SAMSN1: variants seen among roughly 807,000 people sequenced by gnomAD.
SAMSN1 encodes SAM domain, SH3 domain and nuclear localization signals 1.
In SAMSN1, 31 loss-of-function variants were observed where a neutral mutation model predicts 42.0. That is an observed-to-expected ratio of 0.74 (90% CI 0.55 to 1.00). The LOEUF is 1.00. Among genes scored for constraint, SAMSN1 ranks in the 50% least tolerant of loss-of-function variants. SAMSN1 has a pLI of 0.00. For synonymous variants in SAMSN1, 178 were observed against 151.9 expected (o/e 1.17, Z -1.26); for missense variants, 464 against 439.4 (o/e 1.06, Z -0.50).
At chr21:14,507,513 A>G (rs1987468446) in intron 5 of SAMSN1, among the ~76,000 whole-genome samples, 1 of 152,236 alleles carries the variant, frequency 6.6e-6, no homozygotes, top group Non-Finnish European at 1.5e-5. Flanking sequence ...GACCTCCACA[A>G]GGAAAAGTAC....
intron 7 of SAMSN1, among the ~76,000 whole-genome samples, chr21:14,494,482 T>A (rs151298346): frequency 6.6e-6 from 1 of 152,248 alleles, no homozygotes; most frequent in East Asian, 1.9e-4. Context: ...ACACATGTTC[T>A]CACTCACAAG....
chr21:14,647,130 A>G (rs1469660192), intron 1 of SAMSN1, among the ~76,000 whole-genome samples: 4 of 152,192 alleles, frequency 2.6e-5, no homozygotes, highest in African/African-American at 7.2e-5. Context: ...GACTGGCTGC[A>G]TGAATGAAAA....
rs1407246466 is a variant in SAMSN1, at chr21:14,577,234, GTGTGTATATATATATATATATATATA to G, written c.261+4876_261+4901del. Among the ~76,000 whole-genome samples, 142 of 21,326 alleles carry G rather than the reference GTGTGTATATATATATATATATATATA, an allele frequency of 6.7e-3. 8 individuals carry two copies. Among genetic ancestry groups the G allele is most frequent in the African/African-American group, 0.01 (56 of 5,394 alleles). The allele number at this position is 21,326 out of a possible 152,430, so 14.0% of individuals were successfully genotyped here. A position where few individuals can be genotyped will look rare whatever the true frequency, so the allele number is the denominator to read the frequency against. On this transcript the variant is annotated intron_variant, in intron 2 of 8. Coordinates refer to the SAMSN1 transcript ENST00000285670. ...CCATGGTGGGCTAATTTATATATAT[GTGTGTATATATATATATATATATATA>G]TATATATATATATATATATATATAT...
At chr21:14,615,536 T>C (rs1358737745) in intron 3 of SAMSN1, among the ~76,000 whole-genome samples, 2 of 152,278 alleles carry the variant, frequency 1.3e-5, no homozygotes, top group African/African-American at 4.8e-5. Flanking sequence ...CATTACCTTA[T>C]GCAACATGTG....
At chr21:14,562,963 C>A (rs1207352032) in intron 2 of SAMSN1, among the ~76,000 whole-genome samples, 1 of 152,150 alleles carries the variant, frequency 6.6e-6, no homozygotes, top group African/African-American at 2.4e-5. Flanking sequence ...TCTATGTACT[C>A]TTTAGCTGTT....
intron 5 of SAMSN1, among the ~76,000 whole-genome samples, chr21:14,502,387 C>T (rs1167164162): frequency 6.6e-6 from 1 of 152,184 alleles, no homozygotes; most frequent in Admixed American, 6.5e-5. Context: ...TCCTATTATC[C>T]TTGAAACTTG....
chr21:14,611,544 G>A (rs532601902), intron 4 of SAMSN1, among the ~76,000 whole-genome samples: 1 of 152,308 alleles, frequency 6.6e-6, no homozygotes, highest in African/African-American at 2.4e-5. Context: ...ACTGTGTTAG[G>A]ATAGAAATAT....
chr21:14,579,679 A>T (rs536327719), intron 2 of SAMSN1, among the ~76,000 whole-genome samples: 7 of 110,858 alleles, frequency 6.3e-5, no homozygotes, highest in Admixed American at 2.3e-4. Flanking sequence ...GCAGGGTCTC[A>T]CTTTGTTTCC....
intron 2 of SAMSN1, among the ~76,000 whole-genome samples, chr21:14,570,651 G>A (rs1221699405): frequency 1.3e-5 from 2 of 152,184 alleles, no homozygotes; most frequent in African/African-American, 4.8e-5. Context: ...ATATGTTGGA[G>A]ACATAATCCT....
chr21:14,601,973 G>A, intron 6 of SAMSN1: 1 of 635,240 alleles, frequency 1.6e-6, no homozygotes, highest in Non-Finnish European at 2.9e-6. Flanking sequence ...ACAGAGCTGA[G>A]TAACAAGACG....
At chr21:14,624,050 C>T (rs1372295603) in intron 2 of SAMSN1, among the ~76,000 whole-genome samples, 1 of 152,044 alleles carries the variant, frequency 6.6e-6, no homozygotes, top group Non-Finnish European at 1.5e-5. Flanking sequence ...GAAATGAAGG[C>T]AAAAAGAAAG....
At chr21:14,643,146 G>C (rs896405330) in intron 1 of SAMSN1, 3 of 716,312 alleles carry the variant, frequency 4.2e-6, no homozygotes, top group African/African-American at 1.7e-5. Flanking sequence ...GCAATACAGA[G>C]ATTTATGAGT....
At chr21:14,646,082 T>C (rs1393169791) in intron 1 of SAMSN1, among the ~76,000 whole-genome samples, 1 of 152,116 alleles carries the variant, frequency 6.6e-6, no homozygotes, top group Non-Finnish European at 1.5e-5. Context: ...GATAAAGAGA[T>C]AGGGATAGAA....
intron 2 of SAMSN1, among the ~76,000 whole-genome samples, chr21:14,635,719 T>G (rs1983451197): frequency 6.6e-6 from 1 of 152,106 alleles, no homozygotes; most frequent in African/African-American, 2.4e-5. Context: ...CCGGGTGTGG[T>G]GGTTTGCAGA....
At position 14,560,752 on chromosome 21, in the gene SAMSN1, C is replaced by T. The variant is rs145092030; in HGVS notation, c.261+21384G>A. Reference sequence around the variant, plus strand: ...CAAATCTAACTGTGTCCCTCTCTTGCTTCACAATGGTTCTTCAGTGGTTCC... The same window carrying T: ...CAAATCTAACTGTGTCCCTCTCTTGTTTCACAATGGTTCTTCAGTGGTTCC... On this transcript the variant is annotated intron_variant, in intron 2 of 8. Coordinates refer to the SAMSN1 transcript ENST00000285670. Among the ~76,000 whole-genome samples the T allele has an allele frequency of 1.1e-3, 165 of 152,330 alleles. 1 individual carries two copies. Among genetic ancestry groups the T allele is most frequent in the Non-Finnish European group, 2.0e-3 (137 of 68,030 alleles).
At chr21:14,488,899 C>G (rs1469657383) in intron 7 of SAMSN1, among the ~76,000 whole-genome samples, 1 of 152,150 alleles carries the variant, frequency 6.6e-6, no homozygotes, top group African/African-American at 2.4e-5. Flanking sequence ...TCAACTGTAA[C>G]TATAAAAAGG....
chr21:14,633,177 C>T (rs548204575), intron 2 of SAMSN1, among the ~76,000 whole-genome samples: 9 of 140,642 alleles, frequency 6.4e-5, no homozygotes, highest in Non-Finnish European at 1.3e-4. Context: ...CTAGATGTTG[C>T]TCTCTCTCTC....
intron 7 of SAMSN1, among the ~76,000 whole-genome samples, chr21:14,494,753 A>T (rs371370786): frequency 1.4e-4 from 21 of 152,088 alleles, no homozygotes; most frequent in African/African-American, 4.8e-4. Context: ...TCAAGGTCAA[A>T]GTGGGTACAA....
At chr21:14,504,457 G>A (rs1435102077) in intron 5 of SAMSN1, among the ~76,000 whole-genome samples, 1 of 152,150 alleles carries the variant, frequency 6.6e-6, no homozygotes, top group Non-Finnish European at 1.5e-5. Context: ...AATGCAAAAT[G>A]CTCTGGAAAG....
Sources: gnomAD v4.1 joint callset for allele counts (sites outside exome capture counted in the v4.1 genomes callset) on GRCh38, gnomAD v4.1.1 for gene constraint, MANE v1.5 for transcripts, NCBI Gene and HGNC (gene_info 2026-07-23, HGNC 2026-07-21) for gene names.